Variants in MESP1 observed in about 807,000 individuals in gnomAD.
MESP1 encodes the protein mesoderm posterior bHLH transcription factor 1.
MESP1 carries 22 observed loss-of-function variants against 15.2 expected under a neutral mutation model. That is an observed-to-expected ratio of 1.45 (90% CI 1.04 to 2.07). The LOEUF (loss-of-function observed/expected upper bound fraction) is 2.07. MESP1 is among the 30% of genes most tolerant of loss of function. The pLI is 0.00. For synonymous variants in MESP1, 216 were observed against 192.6 expected, an observed-to-expected ratio of 1.12 and a Z score of -1.01; for missense variants, 484 against 411.9, an observed-to-expected ratio of 1.17 and a Z score of -1.51.
chr15:89,737,013 G>C, the MESP1 span, among the ~76,000 whole-genome samples: 18 of 152,264 alleles, frequency 1.2e-4, no homozygotes, highest in Non-Finnish European at 1.6e-4. Flanking sequence ...GGATGGTCTC[G>C]ATCTCCTGAC....
In MESP1 at chr15:89,751,034, G is replaced by T. The variant is rs1350046483; in HGVS notation, c.198C>A (p.Ala66=). 4 of 1,323,788 alleles carry T rather than the reference G, an allele frequency of 3.0e-6. No homozygotes were observed. The highest frequency in any genetic ancestry group is 3.9e-6 in the Non-Finnish European group (4 of 1,037,512). 82.0% of individuals were successfully genotyped at this position (1,323,788 alleles called of 1,614,324 possible). The change falls in exon 1 of 2, where the codon GCC becomes GCA. Residue 66 remains alanine, a synonymous_variant. Coordinates refer to ENST00000300057, the MANE Select transcript of MESP1 (RefSeq NM_018670.4). ...ARPGTLRDPR[A]PSVGRRGARS... Reference sequence around the variant, plus strand: ...GCGCGCCGCGCCTACCTACGGAGGGGGCGCGGGGGTCCCGGAGGGTGCCTG... The same window carrying T: ...GCGCGCCGCGCCTACCTACGGAGGGTGCGCGGGGGTCCCGGAGGGTGCCTG...
the MESP1 span, chr15:89,735,430 G>A: frequency 6.5e-7 from 1 of 1,536,482 alleles, no homozygotes; most frequent in African/African-American, 1.4e-5. Context: ...CCTAGAAGAG[G>A]ATATCAAAAC....
chr15:89,734,012 T>TGTGC, the MESP1 span, among the ~76,000 whole-genome samples: 4 of 151,624 alleles, frequency 2.6e-5, no homozygotes, highest in African/African-American at 9.7e-5. Flanking sequence ...TGTGTGTGTG[T>TGTGC]GCGCGCGCGC....
At chr15:89,738,119 GC>G in the MESP1 span, 3 of 1,614,114 alleles carry the variant, frequency 1.9e-6, no homozygotes, top group Non-Finnish European at 2.5e-6. Context: ...TTTGAGGCCT[GC>G]CCACTCCTGG....
the MESP1 span, among the ~76,000 whole-genome samples, chr15:89,740,513 G>T: frequency 0.055 from 8,438 of 152,042 alleles, 847 homozygotes; most frequent in African/African-American, 0.19. Context: ...TTTTGTTTTT[G>T]TTTTTGAAAC....
rs753983916 is a variant in MESP1 at position 89,750,835 on chromosome 15, T to A, written c.397A>T (p.Ile133Phe). Residue 133 changes from isoleucine (I) to phenylalanine (F), a missense_variant, in exon 1 of 2, where the codon ATC (isoleucine) becomes TTC (phenylalanine). Coordinates refer to ENST00000300057, the MANE Select transcript of MESP1 (RefSeq NM_018670.4). ...CCTAGCACGGCCGACAGGTGGCCGA[T>A]ATAGCGGATAGCCAGGCGCAGCGTC... Reference protein sequence around the residue: ...IETLRLAIRYIGHLSAVLGLS... With the variant: ...IETLRLAIRYFGHLSAVLGLS... The A allele has an allele frequency of 1.4e-5, 21 of 1,530,958 alleles. No individual in the cohort carries two copies. In the East Asian group the frequency reaches 4.8e-4, roughly 35 times the overall value. 94.8% of individuals were successfully genotyped at this position (1,530,958 alleles called of 1,614,324 possible). A position where few individuals can be genotyped will look rare whatever the true frequency, so the allele number is the denominator to read the frequency against.
the MESP1 span, among the ~76,000 whole-genome samples, chr15:89,738,721 GAA>G: frequency 6.6e-6 from 1 of 151,936 alleles, no homozygotes; most frequent in Admixed American, 6.6e-5. Flanking sequence ...TGGATTGGTA[GAA>G]AAAGAGTCAT....
In MESP1 at chr15:89,750,791, G is replaced by C; in HGVS notation, c.441C>G (p.Leu147=). The part of the protein sequence containing the change: ...SAVLGLSEES[L]QRRCRQRGDA... ...CACCGCGCTGCCGGCACCGGCGCTG[G>C]AGACTCTCCTCGCTGAGGCCTAGCA... is the stretch of plus-strand genomic sequence containing the variant. Residue 147 remains leucine, a synonymous_variant, in exon 1 of 2, where the codon CTC becomes CTG. Transcript: ENST00000300057. 1 of 1,520,506 alleles carries C rather than the reference G, an allele frequency of 6.6e-7. No individual in the cohort carries two copies. The highest frequency in any genetic ancestry group is 8.8e-7 in the Non-Finnish European group (1 of 1,140,300). 94.2% of individuals were successfully genotyped at this position (1,520,506 alleles called of 1,614,324 possible). A position where few individuals can be genotyped will look rare whatever the true frequency, so the allele number is the denominator to read the frequency against.
rs1968077950 is a variant in MESP1, at chr15:89,750,852, C to T, written c.380G>A (p.Arg127His). Residue 127 changes from arginine to histidine, a missense_variant, in exon 1 of 2, where the codon CGC (arginine) becomes CAC (histidine). By Grantham distance (29) the Arg-to-His change is conservative. Transcript: ENST00000300057. Reference sequence around the variant, plus strand: ...GTGGCCGATATAGCGGATAGCCAGGCGCAGCGTCTCGATCTTGGTCAGGCT... The same window carrying T: ...GTGGCCGATATAGCGGATAGCCAGGTGCAGCGTCTCGATCTTGGTCAGGCT... ...GQSLTKIETL[R>H]LAIRYIGHLS... 1 of 1,530,638 alleles carries T rather than the reference C, an allele frequency of 6.5e-7. No homozygotes were observed. The highest frequency in any genetic ancestry group is 1.2e-5 in the South Asian group (1 of 83,788). The allele number at this position is 1,530,638 out of a possible 1,614,324, so 94.8% of individuals were successfully genotyped here. A position where few individuals can be genotyped will look rare whatever the true frequency, so the allele number is the denominator to read the frequency against.
chr15:89,742,138 A>G, the MESP1 span, among the ~76,000 whole-genome samples: 3 of 152,228 alleles, frequency 2.0e-5, no homozygotes, highest in African/African-American at 7.2e-5. Flanking sequence ...CTGTAATCCC[A>G]GCAGTTTGGG....
At chr15:89,746,533 ACG>A (rs1459233882), downstream of MESP1, among the ~76,000 whole-genome samples, 8 of 137,584 alleles carry the variant, frequency 5.8e-5, no homozygotes, top group African/African-American at 1.8e-4. Context: ...ACCTCCACAC[ACG>A]CACACACAGC....
At chr15:89,738,339 T>C in the MESP1 span, 1 of 1,388,982 alleles carries the variant, frequency 7.2e-7, no homozygotes, top group Non-Finnish European at 9.7e-7. Context: ...CATTGAAATT[T>C]CCCCTGGCTG....
the MESP1 span, chr15:89,737,488 T>C: frequency 6.5e-7 from 1 of 1,542,402 alleles, no homozygotes; most frequent in South Asian, 1.2e-5. Context: ...CTTCTCTCAT[T>C]CCTTACTGGG....
Position 89,751,248 on chromosome 15 carries a change from C to T in MESP1, c.-17G>A, listed in dbSNP as rs1968096035. ...CTGGGCCATGGCAGCGGCGGCGCGT[C>T]TGGGGGCCGGCGGCCGGCGGCCGCT... On this transcript the variant is annotated 5_prime_UTR_variant, in exon 1 of 2. Transcript: ENST00000300057. The T allele has an allele frequency of 1.6e-6, 2 of 1,233,194 alleles. No individual in the cohort carries two copies. Among genetic ancestry groups the T allele is most frequent in the Admixed American group, 4.2e-5 (1 of 23,704 alleles). 76.4% of individuals were successfully genotyped at this position (1,233,194 alleles called of 1,614,324 possible). A position where few individuals can be genotyped will look rare whatever the true frequency, so the allele number is the denominator to read the frequency against.
At chr15:89,738,196 C>G in the MESP1 span, 1 of 1,613,796 alleles carries the variant, frequency 6.2e-7, no homozygotes, top group Non-Finnish European at 8.5e-7. Flanking sequence ...CCCCCAAGCA[C>G]TGCCACTGGA....
Position 89,750,988 on chromosome 15 carries a change from C to T in MESP1, c.244G>A (p.Gly82Arg), listed in dbSNP as rs770170468. The T allele has an allele frequency of 1.1e-5, 15 of 1,404,032 alleles. No homozygotes were observed. The highest frequency in any genetic ancestry group is 1.2e-5 in the Non-Finnish European group (13 of 1,084,432). 87.0% of individuals were successfully genotyped at this position (1,404,032 alleles called of 1,614,324 possible). ...CGCTCACTGGCGCTCTGCCTCTGCC[C>T]GCTGCCCAGGCGGCTGCTGCGCGCG... is the stretch of plus-strand genomic sequence containing the variant. ...RGARSSRLGSGQRQSASEREK... is the reference protein window; with the variant it reads ...RGARSSRLGSRQRQSASEREK... The change falls in exon 1 of 2, where the codon GGG becomes AGG. Residue 82 changes from glycine (G) to arginine (R), a missense_variant. Gly to Arg is a moderately radical substitution (Grantham distance 125). Transcript: ENST00000300057.
chr15:89,733,657 C>T, the MESP1 span, among the ~76,000 whole-genome samples: 2 of 152,110 alleles, frequency 1.3e-5, no homozygotes, highest in Admixed American at 6.5e-5. Flanking sequence ...AGAACATGAG[C>T]ACACTCAATT....
At chr15:89,744,593 T>C in the MESP1 span, among the ~76,000 whole-genome samples, 6 of 152,358 alleles carry the variant, frequency 3.9e-5, no homozygotes, top group Non-Finnish European at 8.8e-5. Flanking sequence ...ATCCCCATTT[T>C]ACAGAGCAGG....
chr15:89,751,203 G>C lies in MESP1; in HGVS notation c.29C>G (p.Ser10Cys). 4 of 1,257,966 alleles carry C rather than the reference G, an allele frequency of 3.2e-6. No homozygotes were observed. The highest frequency in any genetic ancestry group is 3.0e-6 in the Non-Finnish European group (3 of 1,003,080). The allele number at this position is 1,257,966 out of a possible 1,614,324, so 77.9% of individuals were successfully genotyped here. MAQPLCPPL[S>C]ESWMLSAAWG... Reference sequence around the variant, plus strand: ...GGCCGCAGAGAGCATCCAGGACTCGGAGAGCGGCGGGCACAGGGGCTGGGC... The same window carrying C: ...GGCCGCAGAGAGCATCCAGGACTCGCAGAGCGGCGGGCACAGGGGCTGGGC... The change falls in exon 1 of 2, where the codon TCC becomes TGC. Residue 10 changes from serine (S) to cysteine (C), a missense_variant. Physicochemically the swap from Ser to Cys is moderately radical, Grantham distance 112 (BLOSUM62 -1). Transcript: ENST00000300057.
Sources: gnomAD v4.1 joint callset for allele counts (sites outside exome capture counted in the v4.1 genomes callset) on GRCh38, gnomAD v4.1.1 for gene constraint, MANE v1.5 for transcripts, NCBI Gene and HGNC (gene_info 2026-07-23, HGNC 2026-07-21) for gene names.